Variants in TRMT9B observed in about 807,000 individuals in gnomAD.
TRMT9B encodes the protein probable tRNA methyltransferase 9B.
A neutral mutation model predicts 11.5 loss-of-function variants in TRMT9B; 16 were observed. That is an observed-to-expected ratio of 1.39 (90% CI 0.94 to 2.11). The LOEUF is 2.11. TRMT9B is among the 30% of genes most tolerant of loss of function. The probability of loss-of-function intolerance (pLI) is 0.00; values close to 1 mark genes in which losing one functional copy is unlikely to be tolerated. For missense variants in TRMT9B, 941 were observed against 553.8 expected (o/e 1.70, Z -7.02); for synonymous variants, 274 against 192.4 (o/e 1.42, Z -3.51).
chr8:12,988,512 G>A (rs980810809), intron 1 of TRMT9B, among the ~76,000 whole-genome samples: 1 of 152,124 alleles, frequency 6.6e-6, no homozygotes, highest in Non-Finnish European at 1.5e-5. Context: ...CAGCATGGCT[G>A]GGGAGGCCTC....
chr8:13,005,776 T>G (rs1810351583), intron 2 of TRMT9B, among the ~76,000 whole-genome samples: 1 of 152,098 alleles, frequency 6.6e-6, no homozygotes, highest in South Asian at 2.1e-4. Context: ...ACCCAAACAC[T>G]AAAAAGGGAG....
At chr8:13,017,613 G>GTTT (rs1812965148) in intron 4 of TRMT9B, among the ~76,000 whole-genome samples, 1 of 56,126 alleles carries the variant, frequency 1.8e-5, no homozygotes, top group African/African-American at 6.9e-5. Context: ...TCATTTGTAG[G>GTTT]CTTTTTTTTT....
intron 4 of TRMT9B, 76 bp from the exon 5 acceptor site, chr8:13,020,932 A>G (rs1813708741): frequency 1.1e-5 from 10 of 949,330 alleles, no homozygotes; most frequent in Non-Finnish European, 1.5e-5. Flanking sequence ...TCCTTGTTAT[A>G]TGGTAAACAC....
intron 3 of TRMT9B, chr8:13,011,387 A>G: frequency 1.0e-6 from 1 of 985,376 alleles, no homozygotes; most frequent in Non-Finnish European, 1.2e-6. Flanking sequence ...GTGCCTAGTA[A>G]GGAGGGGTTA....
At chr8:13,012,892 A>T in intron 4 of TRMT9B, 35 bp downstream of exon 4, 3 of 1,606,560 alleles carry the variant, frequency 1.9e-6, no homozygotes, top group Non-Finnish European at 2.6e-6. Context: ...ACCCTTTGCC[A>T]TGAGAATAAT....
At chr8:12,982,592 G>T (rs1200060169) in intron 1 of TRMT9B, among the ~76,000 whole-genome samples, 1 of 152,040 alleles carries the variant, frequency 6.6e-6, no homozygotes, top group Non-Finnish European at 1.5e-5. Context: ...AACCCAAGAG[G>T]CGGAGGTTGC....
In TRMT9B at chr8:13,027,252, A is replaced by G. The variant is rs561841270; in HGVS notation, c.*5208A>G. ...CCAGAATATTAGAATTAACTGACCC[A>G]CAGGTGCCAAGCTGAAACATTCTTC... is the stretch of plus-strand genomic sequence containing the variant. On this transcript the variant is annotated 3_prime_UTR_variant, in exon 5 of 5. Coordinates refer to ENST00000524591, the MANE Select transcript of TRMT9B (RefSeq NM_020844.3). The G allele has an allele frequency of 1.2e-5, 2 of 167,156 alleles. No individual in the cohort carries two copies. The highest frequency in any genetic ancestry group is 3.9e-4 in the East Asian group (2 of 5,180). 10.4% of individuals were successfully genotyped at this position (167,156 alleles called of 1,614,324 possible). A position where few individuals can be genotyped will look rare whatever the true frequency, so the allele number is the denominator to read the frequency against.
chr8:12,986,426 G>A (rs1208192423), intron 1 of TRMT9B, among the ~76,000 whole-genome samples: 1 of 152,170 alleles, frequency 6.6e-6, no homozygotes, highest in African/African-American at 2.4e-5. Flanking sequence ...TGTCTAGAAA[G>A]TGCTGCCGTC....
At chr8:12,979,460 G>C (rs868130456) in intron 1 of TRMT9B, among the ~76,000 whole-genome samples, 13 of 150,254 alleles carry the variant, frequency 8.7e-5, no homozygotes, top group Middle Eastern at 3.2e-3. Flanking sequence ...TGGGCGACAG[G>C]ATAAGACTCC....
In TRMT9B at chr8:13,001,810, T is replaced by A. The variant is rs147266837; in HGVS notation, c.-1-4392T>A. Among the ~76,000 whole-genome samples, 861 of 152,322 alleles carry A rather than the reference T, an allele frequency of 5.7e-3. 4 individuals are homozygous for A. Among genetic ancestry groups the A allele is most frequent in the African/African-American group, 0.02 (832 of 41,590 alleles). On this transcript the variant is annotated intron_variant, in intron 2 of 4. Transcript: ENST00000524591. Reference sequence around the variant, plus strand: ...TGAGGCTTTAAGTACTGACTTTTTATGTGGATTATTTTATGGGTCTGGAAT... The same window carrying A: ...TGAGGCTTTAAGTACTGACTTTTTAAGTGGATTATTTTATGGGTCTGGAAT...
intron 1 of TRMT9B, among the ~76,000 whole-genome samples, chr8:12,980,143 C>T (rs1805120728): frequency 6.6e-6 from 1 of 152,278 alleles, no homozygotes; most frequent in East Asian, 1.9e-4. Flanking sequence ...TATTCTCTTG[C>T]AGCTCAGGAG....
At chr8:12,973,214 T>C (rs768542551) in intron 1 of TRMT9B, among the ~76,000 whole-genome samples, 1 of 152,204 alleles carries the variant, frequency 6.6e-6, no homozygotes, top group African/African-American at 2.4e-5. Flanking sequence ...TTGTGACCCT[T>C]AGTCCAACGC....
chr8:12,983,644 T>C (rs1200638656), intron 1 of TRMT9B, among the ~76,000 whole-genome samples: 2 of 152,194 alleles, frequency 1.3e-5, no homozygotes, highest in East Asian at 1.9e-4. Flanking sequence ...CACTCTAGCC[T>C]GGGCAACAGA....
At chr8:12,955,474 C>T (rs951144418) in intron 1 of TRMT9B, among the ~76,000 whole-genome samples, 2 of 152,226 alleles carry the variant, frequency 1.3e-5, no homozygotes, top group Non-Finnish European at 2.9e-5. Flanking sequence ...TATTTCCCAG[C>T]CTTTGTTAAT....
chr8:13,015,493 A>T (rs1280617621), intron 4 of TRMT9B, among the ~76,000 whole-genome samples: 1 of 152,138 alleles, frequency 6.6e-6, no homozygotes, highest in East Asian at 1.9e-4. Flanking sequence ...CTGGGACTAC[A>T]AGCACACATC....
chr8:13,016,701 C>T (rs1052317980), intron 4 of TRMT9B, among the ~76,000 whole-genome samples: 1 of 151,660 alleles, frequency 6.6e-6, no homozygotes, highest in Non-Finnish European at 1.5e-5. Flanking sequence ...AACATAGGAG[C>T]AATCAACAAT....
chr8:12,987,049 G>A (rs2128876487), intron 1 of TRMT9B, among the ~76,000 whole-genome samples: 1 of 152,158 alleles, frequency 6.6e-6, no homozygotes, highest in East Asian at 1.9e-4. Flanking sequence ...TCTGACTCCT[G>A]CCCTCTCTTC....
At chr8:12,976,856 A>G (rs75021555) in intron 1 of TRMT9B, among the ~76,000 whole-genome samples, 3,876 of 152,266 alleles carry the variant, frequency 0.025, 57 homozygotes, top group Middle Eastern at 0.055. Flanking sequence ...ATCAGCTCTG[A>G]CCTGCAGGCA....
intron 1 of TRMT9B, among the ~76,000 whole-genome samples, chr8:12,949,399 A>G (rs914644668): frequency 9.2e-5 from 14 of 152,174 alleles, no homozygotes; most frequent in African/African-American, 3.4e-4. Flanking sequence ...TGAGATGTGA[A>G]AGTGAAATTC....
Sources: gnomAD v4.1 joint callset for allele counts (sites outside exome capture counted in the v4.1 genomes callset) on GRCh38, gnomAD v4.1.1 for gene constraint, MANE v1.5 for transcripts, NCBI Gene and HGNC (gene_info 2026-07-23, HGNC 2026-07-21) for gene names.